ZNF804A: variants seen among roughly 807,000 people sequenced by gnomAD.
The protein encoded by ZNF804A is zinc finger protein 804A.
ZNF804A carries 2 observed loss-of-function variants against 16.5 expected under a neutral mutation model. The ratio of observed to expected loss-of-function variants is 0.12; its 90% CI spans 0.05 to 0.38. The LOEUF is 0.38. ZNF804A is among the 10% of genes least tolerant of loss of function. ZNF804A has a pLI of 0.99. For missense variants in ZNF804A, 1,473 were observed against 1,390.7 expected (o/e 1.06, Z -0.94); for synonymous variants, 534 against 489.6 (o/e 1.09, Z -1.20).
intron 1 of ZNF804A, among the ~76,000 whole-genome samples, chr2:184,810,371 C>T (rs531762716): frequency 1.3e-5 from 2 of 151,610 alleles, no homozygotes; most frequent in East Asian, 3.9e-4. Flanking sequence ...CCAGTGCACA[C>T]ATTTGCATAC....
At chr2:184,905,131 G>A (rs1685249890) in intron 2 of ZNF804A, among the ~76,000 whole-genome samples, 1 of 151,916 alleles carries the variant, frequency 6.6e-6, no homozygotes, top group African/African-American at 2.4e-5. Flanking sequence ...GATTAAGTCA[G>A]TGTTTTTTAC....
At chr2:184,925,656 A>T (rs1685598308) in intron 2 of ZNF804A, among the ~76,000 whole-genome samples, 1 of 150,356 alleles carries the variant, frequency 6.7e-6, no homozygotes, top group Non-Finnish European at 1.5e-5. Context: ...AGTAAAGGTA[A>T]TTTTCTTGGG....
intron 1 of ZNF804A, among the ~76,000 whole-genome samples, chr2:184,832,294 T>C (rs1695276186): frequency 6.6e-6 from 1 of 152,048 alleles, no homozygotes. Flanking sequence ...TAAAGAATGC[T>C]GACTTATATG....
At chr2:184,814,297 GTC>G (rs911516586) in intron 1 of ZNF804A, among the ~76,000 whole-genome samples, 3 of 151,942 alleles carry the variant, frequency 2.0e-5, no homozygotes, top group Admixed American at 2.0e-4. Flanking sequence ...GATTAAAAAA[GTC>G]TCTAGCCTGA....
At chr2:184,605,461 T>C (rs1376345132) in intron 1 of ZNF804A, among the ~76,000 whole-genome samples, 1 of 152,172 alleles carries the variant, frequency 6.6e-6, no homozygotes, top group Non-Finnish European at 1.5e-5. Flanking sequence ...CCATGGGTTC[T>C]CATTCATGGA....
chr2:184,799,866 G>A (rs1694698007), intron 1 of ZNF804A, among the ~76,000 whole-genome samples: 1 of 152,016 alleles, frequency 6.6e-6, no homozygotes, highest in Non-Finnish European at 1.5e-5. Context: ...CTATGCTTCT[G>A]CTTTATGGAA....
At chr2:184,893,445 T>C (rs1685017559) in intron 2 of ZNF804A, among the ~76,000 whole-genome samples, 1 of 152,078 alleles carries the variant, frequency 6.6e-6, no homozygotes, top group Non-Finnish European at 1.5e-5. Context: ...GTTGTAGAAG[T>C]ATATCATATA....
chr2:184,827,261 T>C (rs975786586), intron 1 of ZNF804A, among the ~76,000 whole-genome samples: 1 of 151,116 alleles, frequency 6.6e-6, no homozygotes, highest in African/African-American at 2.4e-5. Flanking sequence ...TTCATTGAAA[T>C]AGATATTATA....
At chr2:184,751,727 T>C (rs1475376410) in intron 1 of ZNF804A, among the ~76,000 whole-genome samples, 2 of 151,596 alleles carry the variant, frequency 1.3e-5, no homozygotes, top group Non-Finnish European at 3.0e-5. Flanking sequence ...TTGCAAATTA[T>C]GCCTCTTACA....
At chr2:184,891,433 G>C (rs1684982721) in intron 2 of ZNF804A, among the ~76,000 whole-genome samples, 1 of 152,032 alleles carries the variant, frequency 6.6e-6, no homozygotes, top group East Asian at 1.9e-4. Context: ...TCTAAACTTA[G>C]TTAAAATCAT....
intron 1 of ZNF804A, among the ~76,000 whole-genome samples, chr2:184,705,992 T>TGA (rs1304136637): frequency 3.3e-5 from 5 of 152,132 alleles, no homozygotes; most frequent in African/African-American, 9.7e-5. Flanking sequence ...ATTAAAACCC[T>TGA]TTGCTGCTGA....
At chr2:184,912,538 A>G (rs1449503827) in intron 2 of ZNF804A, among the ~76,000 whole-genome samples, 1 of 152,096 alleles carries the variant, frequency 6.6e-6, no homozygotes, top group African/African-American at 2.4e-5. Context: ...CTATTTCAAC[A>G]GTGGCTGCAC....
intron 1 of ZNF804A, among the ~76,000 whole-genome samples, chr2:184,653,056 T>C (rs1424269634): frequency 6.6e-6 from 1 of 152,176 alleles, no homozygotes; most frequent in African/African-American, 2.4e-5. Flanking sequence ...CTTTCCTTTA[T>C]AAATTACCTA....
chr2:184,843,273 A>T (rs954698567), intron 1 of ZNF804A, among the ~76,000 whole-genome samples: 4 of 151,834 alleles, frequency 2.6e-5, no homozygotes, highest in Non-Finnish European at 5.9e-5. Flanking sequence ...TTATTTATTT[A>T]TTTTTTTGAA....
chr2:184,598,831 C>A lies in ZNF804A; in HGVS notation c.-129C>A. On this transcript the variant is annotated 5_prime_UTR_variant, in exon 1 of 4. Coordinates refer to ENST00000302277, the MANE Select transcript of ZNF804A (RefSeq NM_194250.2). ...GTGCAGTGAGCCAGTCTCCAGAGGA[C>A]GTGCCGGGGGTGGCTGCGTGCCCTC... The A allele has an allele frequency of 2.0e-6, 1 of 490,320 alleles. No homozygotes were observed. Among genetic ancestry groups the A allele is most frequent in the Non-Finnish European group, 3.5e-6 (1 of 289,446 alleles). The allele number at this position is 490,320 out of a possible 1,614,324, so 30.4% of individuals were successfully genotyped here. A position where few individuals can be genotyped will look rare whatever the true frequency, so the allele number is the denominator to read the frequency against.
At chr2:184,625,153 G>A (rs1161126590) in intron 1 of ZNF804A, among the ~76,000 whole-genome samples, 1 of 151,954 alleles carries the variant, frequency 6.6e-6, no homozygotes, top group Non-Finnish European at 1.5e-5. Flanking sequence ...GAAGTGGGAG[G>A]ACAAAAATAA....
intron 2 of ZNF804A, among the ~76,000 whole-genome samples, chr2:184,886,528 C>A (rs1455317548): frequency 1.3e-5 from 2 of 152,372 alleles, no homozygotes; most frequent in Non-Finnish European, 2.9e-5. Context: ...TCCCTTTCTG[C>A]ACTGCCCTAG....
intron 1 of ZNF804A, among the ~76,000 whole-genome samples, chr2:184,759,149 A>G (rs1489818353): frequency 1.3e-5 from 2 of 151,180 alleles, no homozygotes; most frequent in Non-Finnish European, 3.0e-5. Flanking sequence ...TAATTTATAT[A>G]TATGGAGGTA....
At position 184,938,639 on chromosome 2, in the gene ZNF804A, G is replaced by T. The variant is rs1271124780; in HGVS notation, c.3243G>T (p.Leu1081=). Residue 1081 remains leucine, a synonymous_variant, in exon 4 of 4, where the codon CTG becomes CTT. Transcript: ENST00000302277. ...CCCTCCCACCCCCTAGCACACCTCTGCAGCCTTTGCCTTTGCAGCAGTCCT... is the reference window on the plus strand; with the variant it reads ...CCCTCCCACCCCCTAGCACACCTCTTCAGCCTTTGCCTTTGCAGCAGTCCT... ...PAALPPPSTP[L]QPLPLQQSLC... 2 of 1,613,900 alleles carry T rather than the reference G, an allele frequency of 1.2e-6. No individual in the cohort carries two copies. Among genetic ancestry groups the T allele is most frequent in the Non-Finnish European group, 1.7e-6 (2 of 1,179,970 alleles).
Sources: allele counts gnomAD v4.1 joint callset (sites outside exome capture counted in the v4.1 genomes callset), GRCh38; gene constraint gnomAD v4.1.1; transcripts MANE v1.5; gene names NCBI Gene and HGNC (gene_info 2026-07-23, HGNC 2026-07-21).